The following NCKAP5 variants were observed in gnomAD, a reference collection of about 807,000 sequenced individuals.
NCKAP5 encodes the protein NCK associated protein 5.
Under a neutral mutation model 167.0 loss-of-function variants are expected in NCKAP5, and 92 were observed. The observed-to-expected ratio is 0.55, with a 90% CI of 0.47 to 0.66. The LOEUF (loss-of-function observed/expected upper bound fraction) is 0.66. Ranked by LOEUF, NCKAP5 falls within the 30% of genes least tolerant of loss-of-function variation. The pLI is 0.00. For synonymous variants in NCKAP5, 891 were observed against 877.4 expected, an observed-to-expected ratio of 1.02 and a Z score of -0.27; for missense variants, 2,378 against 2,315.0, an observed-to-expected ratio of 1.03 and a Z score of -0.56.
At chr2:133,007,578 T>C (rs2078011164) in intron 6 of NCKAP5, among the ~76,000 whole-genome samples, 1 of 152,130 alleles carries the variant, frequency 6.6e-6, no homozygotes, top group Non-Finnish European at 1.5e-5. Context: ...CTGAATTTCT[T>C]ATTGACATAA....
intron 5 of NCKAP5, among the ~76,000 whole-genome samples, chr2:133,182,503 T>C (rs2150041602): frequency 6.6e-6 from 1 of 152,236 alleles, no homozygotes; most frequent in East Asian, 1.9e-4. Flanking sequence ...ACACTTGAAA[T>C]TAAACAGCAC....
chr2:133,184,964 G>A (rs1010496387), intron 5 of NCKAP5, among the ~76,000 whole-genome samples: 1 of 151,820 alleles, frequency 6.6e-6, no homozygotes, highest in Admixed American at 6.6e-5. Context: ...AAGCTCTTTA[G>A]TTAAGTCTCA....
At chr2:132,956,462 C>A (rs1407515975) in intron 8 of NCKAP5, among the ~76,000 whole-genome samples, 4 of 152,126 alleles carry the variant, frequency 2.6e-5, no homozygotes, top group Non-Finnish European at 2.9e-5. Context: ...TTTTAAAAAG[C>A]TCTATTTCTT....
chr2:133,464,788 C>G (rs1049833630), intron 3 of NCKAP5, among the ~76,000 whole-genome samples: 4 of 152,066 alleles, frequency 2.6e-5, no homozygotes, highest in Non-Finnish European at 4.4e-5. Context: ...AACTTGGATG[C>G]CACCTTGTCA....
At chr2:133,637,856 T>C in the NCKAP5 span, among the ~76,000 whole-genome samples, 3 of 152,156 alleles carry the variant, frequency 2.0e-5, no homozygotes, top group Non-Finnish European at 4.4e-5. Context: ...CATAAATTTT[T>C]AGATTCAGGA....
At chr2:133,386,687 C>T (rs554762567) in intron 3 of NCKAP5, among the ~76,000 whole-genome samples, 4 of 152,274 alleles carry the variant, frequency 2.6e-5, no homozygotes, top group African/African-American at 9.6e-5. Flanking sequence ...GAGTCTAAGT[C>T]TCTTTGTAGG....
chr2:133,344,598 C>T (rs890323999), intron 3 of NCKAP5, among the ~76,000 whole-genome samples: 2 of 151,822 alleles, frequency 1.3e-5, no homozygotes, highest in Non-Finnish European at 2.9e-5. Context: ...AAGTGCAAAT[C>T]GCTGGACGCA....
intron 3 of NCKAP5, among the ~76,000 whole-genome samples, chr2:133,332,914 A>T (rs560861543): frequency 9.2e-5 from 14 of 152,348 alleles, no homozygotes; most frequent in South Asian, 2.1e-4. Context: ...TCACGGGCAA[A>T]TCCATCACTG....
rs546320306 is a variant in NCKAP5 at position 132,773,507 on chromosome 2, C to A, written c.5128+309G>T. Among the ~76,000 whole-genome samples, 5 of 152,302 alleles carry A rather than the reference C, an allele frequency of 3.3e-5. No individual in the cohort carries two copies. The South Asian group carries it at 1.0e-3, about 32-fold the overall frequency. ...GAAAGCCACCACCTACACTTCTAAC[C>A]ACTAGGTGTTCTTGAGATAATTATA... On this transcript the variant is annotated intron_variant, in intron 16 of 19. Transcript: ENST00000409261.
intron 13 of NCKAP5, among the ~76,000 whole-genome samples, chr2:132,788,947 G>T (rs1480870018): frequency 6.6e-6 from 1 of 152,072 alleles, no homozygotes; most frequent in East Asian, 1.9e-4. Flanking sequence ...TGAGAAACAA[G>T]ACAGTTCACT....
intron 7 of NCKAP5, among the ~76,000 whole-genome samples, chr2:132,982,669 TTCCCCTATGGGAG>T (rs1452586040): frequency 1.2e-4 from 18 of 152,200 alleles, no homozygotes; most frequent in African/African-American, 4.1e-4. Flanking sequence ...CTCCCTCCCT[TTCCCCTATGGGAG>T]TCCCCAGTAT....
chr2:133,117,013 T>C (rs890818513), intron 6 of NCKAP5: 25 of 152,156 alleles, frequency 1.6e-4, no homozygotes, highest in African/African-American at 5.6e-4. Flanking sequence ...GTATCTGAGT[T>C]CATACAACAG....
At chr2:132,917,109 C>T (rs1324585063) in intron 8 of NCKAP5, among the ~76,000 whole-genome samples, 1 of 152,052 alleles carries the variant, frequency 6.6e-6, no homozygotes, top group African/African-American at 2.4e-5. Flanking sequence ...TCTTAACATC[C>T]CTTGTTTACA....
rs191959314 is a variant in NCKAP5 at position 133,499,748 on chromosome 2, C to T, written c.69+17710G>A. Among the ~76,000 whole-genome samples, 361 of 152,148 alleles carry T rather than the reference C, an allele frequency of 2.4e-3. 2 individuals are homozygous for T. The highest frequency in any genetic ancestry group is 5.7e-3 in the African/African-American group (235 of 41,516). ...CTAATTTTTGTATTTTTAGTAGAGA[C>T]GGGGTTTCACCATGTAGGCCAGACT... is the stretch of plus-strand genomic sequence containing the variant. On this transcript the variant is annotated intron_variant, in intron 3 of 19. Coordinates refer to ENST00000409261, the MANE Select transcript of NCKAP5 (RefSeq NM_207363.3).
At chr2:133,294,077 A>G in intron 4 of NCKAP5, among the ~76,000 whole-genome samples, 1 of 152,190 alleles carries the variant, frequency 6.6e-6, no homozygotes, top group South Asian at 2.1e-4. Context: ...TTTTATTGCT[A>G]TTACAGAGCA....
At chr2:133,434,652 T>C (rs1359146782) in intron 3 of NCKAP5, among the ~76,000 whole-genome samples, 1 of 152,232 alleles carries the variant, frequency 6.6e-6, no homozygotes, top group African/African-American at 2.4e-5. Flanking sequence ...AAGTGTATTT[T>C]CCATTCTGAT....
At chr2:132,781,264 C>A (rs1457512317) in intron 14 of NCKAP5, 35 bp from the exon 15 acceptor site, 6 of 1,580,914 alleles carry the variant, frequency 3.8e-6, no homozygotes, top group Non-Finnish European at 4.3e-6. Flanking sequence ...GATAAGTTAC[C>A]TTGCTCCTTC....
chr2:133,523,912 G>A (rs928409340), intron 2 of NCKAP5, among the ~76,000 whole-genome samples: 2 of 152,102 alleles, frequency 1.3e-5, no homozygotes, highest in African/African-American at 2.4e-5. Flanking sequence ...GAATAACCTG[G>A]GGAACTGTTA....
intron 4 of NCKAP5, among the ~76,000 whole-genome samples, chr2:133,292,957 A>C (rs1679706446): frequency 6.6e-6 from 1 of 152,182 alleles, no homozygotes; most frequent in South Asian, 2.1e-4. Context: ...TCTTAAAGAC[A>C]ATTCAAATTC....
Sources: gnomAD v4.1 joint callset for allele counts (sites outside exome capture counted in the v4.1 genomes callset) on GRCh38, gnomAD v4.1.1 for gene constraint, MANE v1.5 for transcripts, NCBI Gene and HGNC (gene_info 2026-07-23, HGNC 2026-07-21) for gene names.